The following RPS6KA2 variants were observed in gnomAD, a reference collection of about 807,000 sequenced individuals.
RPS6KA2 encodes the protein ribosomal protein S6 kinase A2.
RPS6KA2 carries 42 observed loss-of-function variants against 91.8 expected under a neutral mutation model. The ratio of observed to expected loss-of-function variants is 0.46; its 90% CI spans 0.36 to 0.59. RPS6KA2 has a LOEUF of 0.59. RPS6KA2 is among the 20% of genes least tolerant of loss of function. The pLI is 0.00. For synonymous variants in RPS6KA2, 414 were observed against 393.6 expected, an observed-to-expected ratio of 1.05 and a Z score of -0.61; for missense variants, 798 against 978.5, an observed-to-expected ratio of 0.82 and a Z score of 2.46.
rs560941396 is a variant in RPS6KA2 at position 166,852,216 on chromosome 6, A to G, written c.123+5984T>C. Among the ~76,000 whole-genome samples, 10 of 152,320 alleles carry G rather than the reference A, an allele frequency of 6.6e-5. No individual in the cohort carries two copies. Among genetic ancestry groups the G allele is most frequent in the East Asian group, 5.8e-4 (3 of 5,178 alleles). On this transcript the variant is annotated intron_variant, in intron 2 of 21. Coordinates refer to the RPS6KA2 transcript ENST00000503859. The surrounding 1 kb of genome is among the most constrained non-coding windows in gnomAD (Gnocchi z 4.1). ...ATGCAAATAGACTGCCATCATGGTG[A>G]CTTATGTAACACCAGCTTTCAGAGA...
At chr6:166,757,771 C>T (rs948836705) in intron 2 of RPS6KA2, 1 of 330,366 alleles carries the variant, frequency 3.0e-6, no homozygotes, top group Non-Finnish European at 6.0e-6. Context: ...GGGAGTCCTG[C>T]CCCTCACAGG....
At chr6:166,835,279 T>C (rs753696973) in intron 2 of RPS6KA2, among the ~76,000 whole-genome samples, 4 of 152,246 alleles carry the variant, frequency 2.6e-5, no homozygotes, top group Non-Finnish European at 5.9e-5. Context: ...TTATTCTACA[T>C]CCTCTGAACT....
chr6:166,543,129 G>A (rs1212640465), intron 1 of RPS6KA2, among the ~76,000 whole-genome samples: 1 of 152,206 alleles, frequency 6.6e-6, no homozygotes, highest in African/African-American at 2.4e-5. Context: ...GCCTGGCTTT[G>A]AGGGCAGCTT....
At chr6:166,492,664 T>G (rs1045398342) in intron 8 of RPS6KA2, among the ~76,000 whole-genome samples, 2 of 152,226 alleles carry the variant, frequency 1.3e-5, no homozygotes, top group Non-Finnish European at 2.9e-5. Context: ...ATCATTTATT[T>G]TTTGCTGATG....
chr6:166,633,271 A>G (rs931661480), intron 2 of RPS6KA2, among the ~76,000 whole-genome samples: 1 of 152,256 alleles, frequency 6.6e-6, no homozygotes, highest in Non-Finnish European at 1.5e-5. Context: ...CTAAGTCCAC[A>G]GAGCAAGAAA....
intron 2 of RPS6KA2, among the ~76,000 whole-genome samples, chr6:166,814,074 A>G (rs546426147): frequency 4.6e-5 from 7 of 152,236 alleles, no homozygotes; most frequent in Non-Finnish European, 1.0e-4. Context: ...AATTATAAAC[A>G]TGAAATATAC....
In RPS6KA2 at chr6:166,560,602, C is replaced by A. The variant is rs116091857; in HGVS notation, c.100-21818G>T. On this transcript the variant is annotated intron_variant, in intron 1 of 20. Coordinates refer to ENST00000265678, the MANE Select transcript of RPS6KA2 (RefSeq NM_021135.6). ...GAAGGAAAATCACAAAACACACACC[C>A]ATTGTGACGGGAAATCACAGCAGAA... 4.1e-3 allele frequency among the ~76,000 whole-genome samples: 625 copies of A among 152,170 alleles called. 7 individuals carry two copies. The highest frequency in any genetic ancestry group is 0.015 in the African/African-American group (606 of 41,524).
At chr6:166,503,400 TC>T (rs1234894302) in intron 6 of RPS6KA2, among the ~76,000 whole-genome samples, 11 of 152,242 alleles carry the variant, frequency 7.2e-5, no homozygotes, top group Non-Finnish European at 1.3e-4. Context: ...AACACCAGCT[TC>T]GGAGCAGGGC....
intron 2 of RPS6KA2, among the ~76,000 whole-genome samples, chr6:166,536,853 A>C (rs754701602): frequency 1.8e-4 from 27 of 152,272 alleles, no homozygotes; most frequent in Non-Finnish European, 3.5e-4. Flanking sequence ...TAAAATTAGA[A>C]GTGGTGAAAG....
intron 2 of RPS6KA2, among the ~76,000 whole-genome samples, chr6:166,718,219 C>T (rs1790074971): frequency 6.6e-6 from 1 of 152,284 alleles, no homozygotes; most frequent in South Asian, 2.1e-4. Context: ...AAGTAGCTTT[C>T]TGAGCTCCAG....
At chr6:166,523,729 C>T (rs1417395606) in intron 3 of RPS6KA2, among the ~76,000 whole-genome samples, 2 of 152,176 alleles carry the variant, frequency 1.3e-5, no homozygotes, top group African/African-American at 4.8e-5. Context: ...ACAATCTGTT[C>T]AAGCTACCAG....
chr6:166,518,020 T>C (rs1782717350), intron 3 of RPS6KA2, among the ~76,000 whole-genome samples: 1 of 152,124 alleles, frequency 6.6e-6, no homozygotes, highest in Admixed American at 6.5e-5. Context: ...ACACGCTATA[T>C]TTCTGTGTGT....
At chr6:166,538,096 G>C (rs1425272316) in intron 2 of RPS6KA2, among the ~76,000 whole-genome samples, 1 of 152,182 alleles carries the variant, frequency 6.6e-6, no homozygotes, top group East Asian at 1.9e-4. Flanking sequence ...CACCTGCTGG[G>C]TGGGATTCGT....
chr6:166,736,086 T>A (rs11964156), intron 2 of RPS6KA2, among the ~76,000 whole-genome samples: 2 of 152,120 alleles, frequency 1.3e-5, no homozygotes, highest in African/African-American at 2.4e-5. Flanking sequence ...ATTTATCACC[T>A]AAGTAAGGCT....
chr6:166,850,124 G>T (rs541720081), intron 2 of RPS6KA2, among the ~76,000 whole-genome samples: 14 of 152,318 alleles, frequency 9.2e-5, no homozygotes, highest in African/African-American at 3.1e-4. Context: ...ATTCCCTGGA[G>T]AATTTTATGA....
chr6:166,608,415 C>T (rs936200279), intron 1 of RPS6KA2, among the ~76,000 whole-genome samples: 3 of 152,120 alleles, frequency 2.0e-5, no homozygotes, highest in African/African-American at 4.8e-5. Context: ...ATTAAAAATG[C>T]TTGACTCAAA....
Position 166,531,166 on chromosome 6 carries a change from T to A in RPS6KA2, c.298+66A>T, listed in dbSNP as rs974807050. On this transcript the variant is annotated intron_variant, in intron 3 of 20. Coordinates refer to ENST00000265678, the MANE Select transcript of RPS6KA2 (RefSeq NM_021135.6). ...AACATTAAATGGAATGAATATTTCCTCAAATAACGGAGTAGAAATTGCAGT... is the reference window on the plus strand; with the variant it reads ...AACATTAAATGGAATGAATATTTCCACAAATAACGGAGTAGAAATTGCAGT... 4 of 1,040,122 alleles carry A rather than the reference T, an allele frequency of 3.8e-6. No homozygotes were observed. The African/African-American group carries it at 6.3e-5, about 16-fold the overall frequency. 64.4% of individuals were successfully genotyped at this position (1,040,122 alleles called of 1,614,324 possible). A position where few individuals can be genotyped will look rare whatever the true frequency, so the allele number is the denominator to read the frequency against.
chr6:166,556,510 G>A (rs1185078915), intron 1 of RPS6KA2, among the ~76,000 whole-genome samples: 3 of 152,208 alleles, frequency 2.0e-5, no homozygotes, highest in Non-Finnish European at 4.4e-5. Context: ...AATTATGTGA[G>A]TGGGTTGTGG....
chr6:166,578,864 G>A (rs547655785), intron 1 of RPS6KA2, among the ~76,000 whole-genome samples: 27 of 152,346 alleles, frequency 1.8e-4, no homozygotes, highest in African/African-American at 6.0e-4. Context: ...TGGGATCTGT[G>A]CAGAGATATG....
Sources: gnomAD v4.1 joint callset for allele counts (sites outside exome capture counted in the v4.1 genomes callset) on GRCh38, gnomAD v4.1.1 for gene constraint, Gnocchi (gnomAD v3.1) non-coding constraint, MANE v1.5 for transcripts, NCBI Gene and HGNC (gene_info 2026-07-23, HGNC 2026-07-21) for gene names.